The following DLG4 variants were observed in gnomAD, a reference collection of about 807,000 sequenced individuals.
The protein encoded by DLG4 is discs large MAGUK scaffold protein 4, also known as disks large homolog 4.
A neutral mutation model predicts 93.8 loss-of-function variants in DLG4; 7 were observed. The ratio of observed to expected loss-of-function variants is 0.07; its 90% confidence interval spans 0.04 to 0.14. The LOEUF (loss-of-function observed/expected upper bound fraction) is 0.14. Among genes scored for constraint, DLG4 ranks in the 10% least tolerant of loss-of-function variants. The pLI is 1.00. For missense variants in DLG4, 545 were observed against 992.9 expected, an observed-to-expected ratio of 0.55 and a Z score of 6.06; for synonymous variants, 341 against 387.6, an observed-to-expected ratio of 0.88 and a Z score of 1.41.
chr17:7,197,525 C>T (rs971018544), intron 8 of DLG4, among the ~76,000 whole-genome samples: 6 of 151,962 alleles, frequency 3.9e-5, no homozygotes, highest in Non-Finnish European at 8.8e-5. Flanking sequence ...GAGAAGGAGT[C>T]TCAGGCTGGA....
At chr17:7,218,730 C>T, upstream of DLG4, 1 of 1,567,684 alleles carries the variant, frequency 6.4e-7, no homozygotes. Flanking sequence ...CTGTGCCCTT[C>T]ACCCCAGCCC....
rs560404804 is a variant in DLG4, at chr17:7,192,032, G to A, written c.1867-30C>T. On this transcript the variant is annotated intron_variant, in intron 17 of 19. Transcript: ENST00000399506. Reference sequence around the variant, plus strand: ...GGGCAGGCAGGGTGGGCGGAGGGGGGCCAGCGGGTGGCGAGAAAGGACAGA... The same window carrying A: ...GGGCAGGCAGGGTGGGCGGAGGGGGACCAGCGGGTGGCGAGAAAGGACAGA... 7.1e-6 allele frequency: 9 copies of A among 1,274,418 alleles called. No individual in the cohort carries two copies. The East Asian group carries it at 8.2e-5, about 12-fold the overall frequency. The allele number at this position is 1,274,418 out of a possible 1,614,324, so 78.9% of individuals were successfully genotyped here.
At chr17:7,192,180 G>A in intron 17 of DLG4, 178 bp from the exon 18 acceptor site, 1 of 455,966 alleles carries the variant, frequency 2.2e-6, no homozygotes, top group Non-Finnish European at 3.9e-6. Context: ...TATGGACAGA[G>A]TAAAAGACAG....
At chr17:7,219,878 G>A (rs750033388), upstream of DLG4, 6 of 1,541,252 alleles carry the variant, frequency 3.9e-6, no homozygotes, top group East Asian at 2.4e-5. Flanking sequence ...TCCGCCGCCC[G>A]GTGCACTGTG....
chr17:7,194,253 C>G lies in DLG4; in HGVS notation c.1478+66G>C. On this transcript the variant is annotated intron_variant, in intron 12 of 19. Coordinates refer to ENST00000399506, the MANE Select transcript of DLG4 (RefSeq NM_001321075.3). This position sits in a 1 kb window ranked among gnomAD's most constrained non-coding sequence, Gnocchi z 4.4. ...GCAAACCCATCCCCTGTTGGCTGCC[C>G]ACCCCGGGGGACCTTGGGAACTTCA... is the stretch of plus-strand genomic sequence containing the variant. 1 of 1,538,344 alleles carries G rather than the reference C, an allele frequency of 6.5e-7. No homozygotes were observed.
At chr17:7,207,747 G>GCA (rs920718608) in intron 2 of DLG4, among the ~76,000 whole-genome samples, 1 of 150,038 alleles carries the variant, frequency 6.7e-6, no homozygotes, top group African/African-American at 2.5e-5. Context: ...CACACACACA[G>GCA]CACACACACA....
intron 2 of DLG4, among the ~76,000 whole-genome samples, chr17:7,206,761 C>T (rs1013691698): frequency 6.6e-6 from 1 of 152,122 alleles, no homozygotes; most frequent in African/African-American, 2.4e-5. Flanking sequence ...CCCCCAACTC[C>T]TCTCTTGCCA....
intron 17 of DLG4, 193 bp from the exon 18 acceptor site, chr17:7,192,195 A>T (rs1465328124): frequency 9.1e-6 from 4 of 438,988 alleles, no homozygotes; most frequent in Non-Finnish European, 1.6e-5. Flanking sequence ...AGACAGAGGG[A>T]AAGGAAAGGG....
chr17:7,193,327 A>G lies in DLG4; in HGVS notation c.1693+156T>C, dbSNP rs900793056. ...CTGGCCTGGGCATGGGTACTATGGA[A>G]TGAGAGGGTGGCTGAGAAGCACCCC... On this transcript the variant is annotated intron_variant, in intron 16 of 19. Coordinates refer to ENST00000399506, the MANE Select transcript of DLG4 (RefSeq NM_001321075.3). This position sits in a 1 kb window ranked among gnomAD's most constrained non-coding sequence, Gnocchi z 6.7. Among the ~76,000 whole-genome samples the G allele has an allele frequency of 6.6e-6, 1 of 151,996 alleles. No individual in the cohort carries two copies. The highest frequency in any genetic ancestry group is 1.5e-5 in the Non-Finnish European group (1 of 67,984).
rs2069501675 is a variant in DLG4, at chr17:7,191,604, C to A, written c.1977-246G>T. On this transcript the variant is annotated intron_variant, in intron 18 of 19. Coordinates refer to ENST00000399506, the MANE Select transcript of DLG4 (RefSeq NM_001321075.3). This position sits in a 1 kb window ranked among gnomAD's most constrained non-coding sequence, Gnocchi z 6.6. Reference sequence around the variant, plus strand: ...GGAGCTTCATCCTTCCAGCCTTCAGCCCCAGAGATGGGATTCGGACTCCAA... The same window carrying A: ...GGAGCTTCATCCTTCCAGCCTTCAGACCCAGAGATGGGATTCGGACTCCAA... The A allele has an allele frequency of 5.0e-6, 3 of 595,134 alleles. No individual in the cohort carries two copies. The highest frequency in any genetic ancestry group is 6.0e-6 in the Non-Finnish European group (2 of 334,568). 36.9% of individuals were successfully genotyped at this position (595,134 alleles called of 1,614,324 possible). A position where few individuals can be genotyped will look rare whatever the true frequency, so the allele number is the denominator to read the frequency against.
rs2069651622 is a variant in DLG4 at position 7,194,227 on chromosome 17, G to A, written c.1478+92C>T. ...CAGACAAACCCCTAGGAGTTCAGAG[G>A]GCAAACCCATCCCCTGTTGGCTGCC... is the stretch of plus-strand genomic sequence containing the variant. On this transcript the variant is annotated intron_variant, in intron 12 of 19. Coordinates refer to ENST00000399506, the MANE Select transcript of DLG4 (RefSeq NM_001321075.3). The surrounding 1 kb of genome is among the most constrained non-coding windows in gnomAD (Gnocchi z 4.4). The A allele has an allele frequency of 4.0e-6, 6 of 1,491,352 alleles. No individual in the cohort carries two copies. The highest frequency in any genetic ancestry group is 5.4e-6 in the Non-Finnish European group (6 of 1,110,152). The allele number at this position is 1,491,352 out of a possible 1,614,324, so 92.4% of individuals were successfully genotyped here.
Position 7,188,910 on chromosome 17 carries a change from G to A in DLG4, c.*1798C>T, listed in dbSNP as rs369439548. Among the ~76,000 whole-genome samples, 1 of 151,900 alleles carries A rather than the reference G, an allele frequency of 6.6e-6. No homozygotes were observed. The highest frequency in any genetic ancestry group is 6.6e-5 in the Admixed American group (1 of 15,250). ...GCGGATCACCTGAGGTCAGGAGTTC[G>A]AGACCAGCCTGGCCAACAAAGCAAA... On this transcript the variant is annotated 3_prime_UTR_variant, in exon 20 of 20. Transcript: ENST00000399506.
chr17:7,218,758 GAGA>G, upstream of DLG4: 1 of 1,597,272 alleles, frequency 6.3e-7, no homozygotes, highest in Admixed American at 1.7e-5. Flanking sequence ...AAGATTTGGG[GAGA>G]AGGATCTCCG....
At chr17:7,207,815 C>T (rs1367747401) in intron 2 of DLG4, among the ~76,000 whole-genome samples, 2 of 151,988 alleles carry the variant, frequency 1.3e-5, no homozygotes, top group Non-Finnish European at 2.9e-5. Context: ...CACAGGCACG[C>T]GCGCACACAC....
chr17:7,192,663 G>C lies in DLG4; in HGVS notation c.1866+282C>G, dbSNP rs562196423. 5.9e-5 allele frequency among the ~76,000 whole-genome samples: 9 copies of C among 151,894 alleles called. No homozygotes were observed. The South Asian group carries it at 1.5e-3, about 25-fold the overall frequency. ...CCAAGCCACCAAAGACAAGGCCATG[G>C]GAAGAGAGGAGAAATGGGGCAAGGA... On this transcript the variant is annotated intron_variant, in intron 17 of 19. Coordinates refer to ENST00000399506, the MANE Select transcript of DLG4 (RefSeq NM_001321075.3).
At chr17:7,192,207 A>C in intron 17 of DLG4, 1 of 436,814 alleles carries the variant, frequency 2.3e-6, no homozygotes, top group Non-Finnish European at 4.0e-6. Context: ...AGGAAAGGGA[A>C]GATGGAGAGC....
Position 7,190,624 on chromosome 17 carries a change from G to A in DLG4, c.*84C>T, listed in dbSNP as rs1047116339. ...GAAGGGGTGGGAGGGAGGCCGGGGG[G>A]AGCCAAGGGCTTGGGCAATTCAGTC... is the stretch of plus-strand genomic sequence containing the variant. On this transcript the variant is annotated 3_prime_UTR_variant, in exon 20 of 20. Coordinates refer to ENST00000399506, the MANE Select transcript of DLG4 (RefSeq NM_001321075.3). 1.0e-5 allele frequency: 11 copies of A among 1,085,716 alleles called. No homozygotes were observed. The South Asian group carries it at 1.4e-4, about 14-fold the overall frequency. 67.3% of individuals were successfully genotyped at this position (1,085,716 alleles called of 1,614,324 possible).
Position 7,190,643 on chromosome 17 carries a change from T to C in DLG4, c.*65A>G, listed in dbSNP as rs999774359. On this transcript the variant is annotated 3_prime_UTR_variant, in exon 20 of 20. Coordinates refer to ENST00000399506, the MANE Select transcript of DLG4 (RefSeq NM_001321075.3). ...CGGGGGGAGCCAAGGGCTTGGGCAA[T>C]TCAGTCCAGACCAAGGGCCCAGGTG... The C allele has an allele frequency of 1.3e-5, 18 of 1,342,252 alleles. No homozygotes were observed. The highest frequency in any genetic ancestry group is 1.9e-5 in the Non-Finnish European group (18 of 933,058). The allele number at this position is 1,342,252 out of a possible 1,614,324, so 83.1% of individuals were successfully genotyped here.
intron 3 of DLG4, 40 bp downstream of exon 3, chr17:7,204,159 C>G: frequency 6.2e-7 from 1 of 1,604,478 alleles, no homozygotes; most frequent in Non-Finnish European, 8.5e-7. Context: ...TCCCTCCTTC[C>G]TTCTGCAATG....
Sources: allele counts gnomAD v4.1 joint callset (sites outside exome capture counted in the v4.1 genomes callset), GRCh38; gene constraint gnomAD v4.1.1; non-coding constraint Gnocchi (gnomAD v3.1); transcripts MANE v1.5; gene names NCBI Gene and HGNC (gene_info 2026-07-23, HGNC 2026-07-21).